Variants in CD9 observed in about 807,000 individuals in gnomAD.
CD9 encodes CD9 molecule.
CD9 carries 10 observed loss-of-function variants against 31.4 expected under a neutral mutation model. The ratio of observed to expected loss-of-function variants is 0.32; its 90% CI spans 0.20 to 0.54. The LOEUF (loss-of-function observed/expected upper bound fraction) is 0.54, where lower values mean the gene tolerates loss of function less well. CD9 is among the 20% of genes least tolerant of loss of function. The probability of loss-of-function intolerance (pLI) is 0.94; values close to 1 mark genes in which losing one functional copy is unlikely to be tolerated. For missense variants in CD9, 259 were observed against 300.1 expected (o/e 0.86, Z 1.01); for synonymous variants, 113 against 114.1 (o/e 0.99, Z 0.06).
At chr12:6,217,242 G>A (rs1006140446) in intron 1 of CD9, among the ~76,000 whole-genome samples, 1 of 152,154 alleles carries the variant, frequency 6.6e-6, no homozygotes, top group Admixed American at 6.5e-5. Flanking sequence ...CCCCAGGTAG[G>A]CTGGGTGCCA....
intron 2 of CD9, among the ~76,000 whole-genome samples, chr12:6,230,206 C>T (rs1161997382): frequency 1.3e-5 from 2 of 152,176 alleles, no homozygotes; most frequent in South Asian, 2.1e-4. Flanking sequence ...TTCCCTTTTC[C>T]CGTGACTAGA....
chr12:6,234,124 G>A (rs528645936), intron 4 of CD9, among the ~76,000 whole-genome samples: 30 of 151,788 alleles, frequency 2.0e-4, no homozygotes, highest in Non-Finnish European at 2.6e-4. Context: ...TGAGAGATGC[G>A]TTCAGGAGGA....
At chr12:6,233,158 A>G in intron 3 of CD9, 1 of 671,574 alleles carries the variant, frequency 1.5e-6, no homozygotes, top group Non-Finnish European at 2.7e-6. Context: ...CGCCTTGTAA[A>G]TGCTAGTTCT....
chr12:6,202,280 C>G (rs554468377), intron 1 of CD9, among the ~76,000 whole-genome samples: 82 of 152,270 alleles, frequency 5.4e-4, no homozygotes, highest in Non-Finnish European at 8.5e-4. Context: ...TTAAAAAGAC[C>G]CTGCTGGCCG....
At chr12:6,226,974 A>T (rs1483690831) in intron 2 of CD9, among the ~76,000 whole-genome samples, 1 of 152,206 alleles carries the variant, frequency 6.6e-6, no homozygotes, top group African/African-American at 2.4e-5. Flanking sequence ...GAGCAGGCAC[A>T]GTCAGGCCTG....
At chr12:6,201,138 G>T (rs1946071851) in intron 1 of CD9, among the ~76,000 whole-genome samples, 1 of 152,202 alleles carries the variant, frequency 6.6e-6, no homozygotes, top group African/African-American at 2.4e-5. Flanking sequence ...CCCAGTCCCT[G>T]AGAGTCGGGG....
intron 1 of CD9, among the ~76,000 whole-genome samples, chr12:6,205,724 T>C (rs1452787449): frequency 1.3e-5 from 2 of 152,210 alleles, no homozygotes; most frequent in Admixed American, 6.5e-5. Context: ...TACCTTGGAT[T>C]GACAAAGGCG....
intron 1 of CD9, among the ~76,000 whole-genome samples, chr12:6,201,413 G>T (rs1335290675): frequency 6.6e-6 from 1 of 152,202 alleles, no homozygotes; most frequent in African/African-American, 2.4e-5. Flanking sequence ...GCCCGCCCAG[G>T]AGAGCCTTGG....
Position 6,238,264 on chromosome 12 carries a change from G to T in CD9, c.*436G>T. 1 of 153,426 alleles carries T rather than the reference G, an allele frequency of 6.5e-6. No individual in the cohort carries two copies. Among genetic ancestry groups the T allele is most frequent in the Non-Finnish European group, 1.4e-5 (1 of 69,158 alleles). 9.5% of individuals were successfully genotyped at this position (153,426 alleles called of 1,614,324 possible). ...TAATAAAAAATTATGACAATGTCCT[G>T]GACTGGTTTTTGTTTTGTTTAATTA... On this transcript the variant is annotated 3_prime_UTR_variant, in exon 8 of 8. Transcript: ENST00000009180.
Position 6,232,248 on chromosome 12 carries a change from A to G in CD9, c.176-384A>G, listed in dbSNP as rs189401610. ...AGAAGTTAGCCAGAGTGTGGAAGGT[A>G]TATGCTAACTAGCTTGAGTGGATTC... On this transcript the variant is annotated intron_variant, in intron 2 of 7. Transcript: ENST00000009180. This position sits in a 1 kb window ranked among gnomAD's most constrained non-coding sequence, Gnocchi z 4.8. 1.3e-5 allele frequency: 4 copies of G among 306,568 alleles called. No homozygotes were observed. The East Asian group carries it at 3.9e-4, about 30-fold the overall frequency. The allele number at this position is 306,568 out of a possible 1,614,324, so 19.0% of individuals were successfully genotyped here.
At chr12:6,209,679 C>CTTTTTTT (rs71064199) in intron 1 of CD9, among the ~76,000 whole-genome samples, 2 of 132,614 alleles carry the variant, frequency 1.5e-5, no homozygotes, top group African/African-American at 2.9e-5. Flanking sequence ...CTGCAAATTT[C>CTTTTTTT]TTTTTTTTTT....
chr12:6,233,563 C>T, intron 4 of CD9, 77 bp downstream of exon 4: 2 of 1,120,662 alleles, frequency 1.8e-6, no homozygotes, highest in South Asian at 1.2e-5. Context: ...CAAGTCCTGG[C>T]TGGGCACTTT....
intron 1 of CD9, among the ~76,000 whole-genome samples, chr12:6,215,621 C>A (rs147406405): frequency 6.6e-6 from 1 of 152,142 alleles, no homozygotes; most frequent in Admixed American, 6.6e-5. Context: ...GACAGTGGCT[C>A]GGTAGAAGTC....
At chr12:6,214,765 G>C (rs896003536) in intron 1 of CD9, among the ~76,000 whole-genome samples, 1 of 152,154 alleles carries the variant, frequency 6.6e-6, no homozygotes, top group Non-Finnish European at 1.5e-5. Context: ...GCAGAATTCA[G>C]GGGGGAGGTT....
chr12:6,223,170 A>G (rs1946314611), intron 1 of CD9, among the ~76,000 whole-genome samples: 1 of 152,092 alleles, frequency 6.6e-6, no homozygotes, highest in African/African-American at 2.4e-5. Context: ...TTTTATGTCC[A>G]GGAGGCCAGC....
At chr12:6,236,727 G>A (rs1946528174) in intron 7 of CD9, 2 of 363,342 alleles carry the variant, frequency 5.5e-6, no homozygotes, top group Admixed American at 4.3e-5. Context: ...AACCAACAAG[G>A]GCCAACCAGG....
chr12:6,234,125 T>C (rs548541495), intron 4 of CD9, among the ~76,000 whole-genome samples: 19 of 151,496 alleles, frequency 1.3e-4, no homozygotes, highest in Admixed American at 1.3e-3. Context: ...GAGAGATGCG[T>C]TCAGGAGGAA....
chr12:6,236,783 C>A (rs930423992), intron 7 of CD9: 1 of 277,006 alleles, frequency 3.6e-6, no homozygotes, highest in Admixed American at 5.0e-5. Flanking sequence ...CAGCCCCAGA[C>A]GGAACATGGT....
chr12:6,214,667 A>T (rs1946225925), intron 1 of CD9, among the ~76,000 whole-genome samples: 1 of 152,022 alleles, frequency 6.6e-6, no homozygotes. Context: ...ATTCTTTTAA[A>T]AAATTGTTTT....
Sources: gnomAD v4.1 joint callset for allele counts (sites outside exome capture counted in the v4.1 genomes callset) on GRCh38, gnomAD v4.1.1 for gene constraint, Gnocchi (gnomAD v3.1) non-coding constraint, MANE v1.5 for transcripts, NCBI Gene and HGNC (gene_info 2026-07-23, HGNC 2026-07-21) for gene names.